The following MTF1 variants were observed in gnomAD, a reference collection of about 807,000 sequenced individuals.
MTF1 encodes metal regulatory transcription factor 1, also known as MRE-binding transcription factor.
MTF1 carries 22 observed loss-of-function variants against 70.4 expected under a neutral mutation model. The ratio of observed to expected loss-of-function variants is 0.31; its 90% CI spans 0.22 to 0.45. MTF1 has a LOEUF of 0.45. Ranked by LOEUF, MTF1 falls within the 20% of genes least tolerant of loss-of-function variation. The pLI is 1.00. For missense variants in MTF1, 649 were observed against 922.0 expected (o/e 0.70, Z 3.83); for synonymous variants, 333 against 352.8 (o/e 0.94, Z 0.63).
At chr1:37,857,130 G>A (rs1338767172) in intron 2 of MTF1, 121 bp downstream of exon 2, 1 of 971,892 alleles carries the variant, frequency 1.0e-6, no homozygotes, top group Non-Finnish European at 1.5e-6. Context: ...GTTGTTGATA[G>A]CAAAACTACT....
In MTF1 at chr1:37,813,288, A is replaced by AG; in HGVS notation, c.*1847dup. 1 of 151,996 alleles carries AG rather than the reference A, an allele frequency of 6.6e-6. No individual in the cohort carries two copies. Among genetic ancestry groups the AG allele is most frequent in the African/African-American group, 2.4e-5 (1 of 41,374 alleles). The allele number at this position is 151,996 out of a possible 1,614,324, so 9.4% of individuals were successfully genotyped here. On this transcript the variant is annotated 3_prime_UTR_variant, in exon 11 of 11. Coordinates refer to ENST00000373036, the MANE Select transcript of MTF1 (RefSeq NM_005955.3). ...GCAAAACTCTGTCTCAAAAAAAAAA[A>AG]GAAGTCAATTATTCTGGCTAGGGTC...
rs1244130388 is a variant in MTF1 at position 37,857,460 on chromosome 1, A to C, written c.199T>G (p.Cys67Gly). The stretch of plus-strand genomic sequence containing the variant: ...ACTAGAAAAGGCAAGTGTTCTCCGC[A>C]CTGTCCGTCGTCATCTTCATCCTCC... Reference protein sequence around the residue: ...TLEDEDDDGQCGEHLPFLVGG... With the variant: ...TLEDEDDDGQGGEHLPFLVGG... Residue 67 changes from cysteine to glycine, a missense_variant, in exon 2 of 11, where the codon TGC becomes GGC. Transcript: ENST00000373036. The C allele has an allele frequency of 1.2e-6, 2 of 1,614,080 alleles. No individual in the cohort carries two copies. Among genetic ancestry groups the C allele is most frequent in the Non-Finnish European group, 1.7e-6 (2 of 1,180,050 alleles).
At chr1:37,823,280 A>G (rs1190982083) in intron 8 of MTF1, among the ~76,000 whole-genome samples, 1 of 151,782 alleles carries the variant, frequency 6.6e-6, no homozygotes, top group East Asian at 1.9e-4. Context: ...TACCAAAAAT[A>G]CAAAAAAAAA....
chr1:37,817,743 C>A (rs1438726639), intron 9 of MTF1, among the ~76,000 whole-genome samples: 1 of 152,210 alleles, frequency 6.6e-6, no homozygotes, highest in South Asian at 2.1e-4. Flanking sequence ...GGTTCTGTAT[C>A]CAAAGGCTCC....
chr1:37,858,298 T>A, intron 1 of MTF1, among the ~76,000 whole-genome samples: 1 of 152,250 alleles, frequency 6.6e-6, no homozygotes, highest in Non-Finnish European at 1.5e-5. Context: ...CAGAGTCATC[T>A]ACCTACAAAT....
At position 37,815,690 on chromosome 1, in the gene MTF1, A is replaced by T. The variant is rs1640809523; in HGVS notation, c.1832-124T>A. ...GAACCATGGGAAGGATGGTTGCCAC[A>T]CTTCGGGCTTCGTTCTGCTTTAAAT... On this transcript the variant is annotated intron_variant, in intron 10 of 10. Coordinates refer to ENST00000373036, the MANE Select transcript of MTF1 (RefSeq NM_005955.3). The surrounding 1 kb of genome is among the most constrained non-coding windows in gnomAD (Gnocchi z 4.5). The T allele has an allele frequency of 2.8e-6, 2 of 702,644 alleles. No individual in the cohort carries two copies. Among genetic ancestry groups the T allele is most frequent in the South Asian group, 5.2e-5 (2 of 38,748 alleles). 43.5% of individuals were successfully genotyped at this position (702,644 alleles called of 1,614,324 possible). A position where few individuals can be genotyped will look rare whatever the true frequency, so the allele number is the denominator to read the frequency against.
chr1:37,845,293 C>T (rs1214471508), intron 2 of MTF1, among the ~76,000 whole-genome samples: 1 of 152,198 alleles, frequency 6.6e-6, no homozygotes, highest in Non-Finnish European at 1.5e-5. Context: ...TGATAAAACA[C>T]CTCTTGGATT....
chr1:37,833,105 T>A (rs1274427868), intron 6 of MTF1, among the ~76,000 whole-genome samples: 5 of 152,182 alleles, frequency 3.3e-5, no homozygotes, highest in Admixed American at 3.3e-4. Flanking sequence ...ATTAATACTA[T>A]CTGTATACCT....
At chr1:37,844,600 G>A (rs1315593814) in intron 2 of MTF1, among the ~76,000 whole-genome samples, 1 of 152,226 alleles carries the variant, frequency 6.6e-6, no homozygotes, top group African/African-American at 2.4e-5. Flanking sequence ...GATTGTGGAT[G>A]CTGGGATAAA....
Position 37,818,377 on chromosome 1 carries a change from A to G in MTF1, c.1768-895T>C, listed in dbSNP as rs184135066. ...AGGATCACCTGAGCCCAGGAGTTCA[A>G]GGCCAGCCCAGCCTGGAACATAGTG... On this transcript the variant is annotated intron_variant, in intron 9 of 10. Transcript: ENST00000373036. 1.4e-3 allele frequency among the ~76,000 whole-genome samples: 215 copies of G among 152,312 alleles called. 1 individual carries two copies. Among genetic ancestry groups the G allele is most frequent in the Non-Finnish European group, 2.3e-3 (155 of 68,016 alleles).
At chr1:37,838,853 G>C in intron 3 of MTF1, 97 bp from the exon 4 acceptor site, 1 of 959,310 alleles carries the variant, frequency 1.0e-6, no homozygotes, top group Non-Finnish European at 1.4e-6. Context: ...CGCCCAGGCT[G>C]GAGTGCAATG....
chr1:37,835,206 G>A lies in MTF1; in HGVS notation c.863C>T (p.Pro288Leu), dbSNP rs1392711963. Residue 288 changes from proline (P) to leucine (L), a missense_variant, in exon 6 of 11, where the codon CCC becomes CTC. By Grantham distance (98) the Pro-to-Leu change is moderately conservative (BLOSUM62 -3). Around this residue, in one of 7 missense-constraint regions of MTF1, gnomAD observed 118 missense variants for 287.2 expected, o/e 0.41. Coordinates refer to ENST00000373036, the MANE Select transcript of MTF1 (RefSeq NM_005955.3). ...THVRTHTGER[P>L]FFCPSNGCEK... Reference sequence around the variant, plus strand: ...ACAGCCATTACTGGGGCAGAAGAAGGGTCTTTCACCTGCAAGAATAACAAA... The same window carrying A: ...ACAGCCATTACTGGGGCAGAAGAAGAGTCTTTCACCTGCAAGAATAACAAA... The A allele has an allele frequency of 6.2e-7, 1 of 1,613,390 alleles. No individual in the cohort carries two copies. Among genetic ancestry groups the A allele is most frequent in the Non-Finnish European group, 8.5e-7 (1 of 1,179,494 alleles).
At chr1:37,851,217 G>T (rs1641414467) in intron 2 of MTF1, among the ~76,000 whole-genome samples, 1 of 152,184 alleles carries the variant, frequency 6.6e-6, no homozygotes, top group Admixed American at 6.5e-5. Context: ...CAAACCTACT[G>T]ATTTCAAGAA....
intron 1 of MTF1, among the ~76,000 whole-genome samples, chr1:37,859,230 G>GC (rs950037448): frequency 1.3e-5 from 2 of 152,208 alleles, no homozygotes; most frequent in Non-Finnish European, 2.9e-5. Context: ...TGCGAACAGA[G>GC]CCCCCTTGAG....
Position 37,846,891 on chromosome 1 carries a change from G to C in MTF1, c.409-6733C>G, listed in dbSNP as rs1259280337. Among the ~76,000 whole-genome samples the C allele has an allele frequency of 2.6e-5, 4 of 152,130 alleles. No homozygotes were observed. In the East Asian group the frequency reaches 7.7e-4, roughly 29 times the overall value. Reference sequence around the variant, plus strand: ...ATTCCACAAGAGAGTTCCTGCTTCTGGGCACCTAGCACATGAACATTCTCA... The same window carrying C: ...ATTCCACAAGAGAGTTCCTGCTTCTCGGCACCTAGCACATGAACATTCTCA... On this transcript the variant is annotated intron_variant, in intron 2 of 10. Transcript: ENST00000373036.
chr1:37,832,551 A>G (rs999363435), intron 6 of MTF1, among the ~76,000 whole-genome samples: 4 of 152,210 alleles, frequency 2.6e-5, no homozygotes, highest in African/African-American at 9.7e-5. Flanking sequence ...TACATTATGT[A>G]TACATGTACT....
intron 2 of MTF1, among the ~76,000 whole-genome samples, chr1:37,845,051 G>A (rs1347104362): frequency 1.3e-5 from 2 of 152,184 alleles, no homozygotes; most frequent in African/African-American, 4.8e-5. Context: ...GCTACTTCCC[G>A]GCTGGACTGT....
intron 9 of MTF1, among the ~76,000 whole-genome samples, chr1:37,819,056 T>C (rs927532445): frequency 1.3e-5 from 2 of 151,490 alleles, no homozygotes; most frequent in Non-Finnish European, 2.9e-5. Context: ...CCCCTCGCCA[T>C]GTGATGCCCT....
intron 7 of MTF1, among the ~76,000 whole-genome samples, chr1:37,824,569 G>A (rs1235075587): frequency 6.6e-6 from 1 of 152,046 alleles, no homozygotes; most frequent in Non-Finnish European, 1.5e-5. Context: ...ATGGTGGCAG[G>A]CGCCTGTAAT....
Sources: gnomAD v4.1 joint callset for allele counts (sites outside exome capture counted in the v4.1 genomes callset) on GRCh38, gnomAD v4.1.1 for gene constraint, gnomAD v4.1.1 regional missense constraint, Gnocchi (gnomAD v3.1) non-coding constraint, MANE v1.5 for transcripts, NCBI Gene and HGNC (gene_info 2026-07-23, HGNC 2026-07-21) for gene names.